The following SGCD variants were observed in gnomAD, a reference collection of about 807,000 sequenced individuals.
SGCD encodes sarcoglycan delta.
SGCD carries 18 observed loss-of-function variants against 36.6 expected under a neutral mutation model. That is an observed-to-expected ratio of 0.49 (90% CI 0.34 to 0.73). The LOEUF (loss-of-function observed/expected upper bound fraction) is 0.73. Ranked by LOEUF, SGCD falls within the 30% of genes least tolerant of loss-of-function variation. SGCD has a pLI of 0.01. For missense variants in SGCD, 387 were observed against 346.7 expected (o/e 1.12, Z -0.92); for synonymous variants, 133 against 130.6 (o/e 1.02, Z -0.12).
At chr5:156,598,403 G>A (rs1467688657) in intron 6 of SGCD, among the ~76,000 whole-genome samples, 1 of 152,098 alleles carries the variant, frequency 6.6e-6, no homozygotes, top group Non-Finnish European at 1.5e-5. Flanking sequence ...TTATCCAGGT[G>A]TGGTGGCACA....
At chr5:156,513,608 C>G (rs1757033891) in intron 4 of SGCD, among the ~76,000 whole-genome samples, 1 of 152,222 alleles carries the variant, frequency 6.6e-6, no homozygotes. Context: ...CAACACTTGA[C>G]TTCCTTGTGG....
At chr5:156,556,315 T>A (rs1759019302) in intron 4 of SGCD, among the ~76,000 whole-genome samples, 1 of 152,128 alleles carries the variant, frequency 6.6e-6, no homozygotes, top group African/African-American at 2.4e-5. Context: ...TGTCACCCTG[T>A]GTCTTTTCTG....
At chr5:156,725,909 G>A (rs2642660) in intron 7 of SGCD, among the ~76,000 whole-genome samples, 118,531 of 152,146 alleles carry the variant, frequency 0.78, 46,660 homozygotes, top group East Asian at 0.89. Context: ...TTATTAATTC[G>A]TACATCCATA....
chr5:155,883,046 CT>C (rs1165974981), intron 1 of SGCD, among the ~76,000 whole-genome samples: 1 of 152,120 alleles, frequency 6.6e-6, no homozygotes, highest in Non-Finnish European at 1.5e-5. Context: ...ATAGAGATGG[CT>C]TTTTTCCCCT....
At chr5:155,887,347 T>G (rs1756028664) in intron 1 of SGCD, among the ~76,000 whole-genome samples, 1 of 152,226 alleles carries the variant, frequency 6.6e-6, no homozygotes, top group African/African-American at 2.4e-5. Context: ...AAAAATGACT[T>G]AAGAACATGC....
At chr5:156,211,677 AC>A (rs1561567352) in intron 3 of SGCD, among the ~76,000 whole-genome samples, 2 of 152,004 alleles carry the variant, frequency 1.3e-5, no homozygotes, top group Non-Finnish European at 2.9e-5. Context: ...AAAGTATAAA[AC>A]CCACTAGTAA....
At chr5:155,824,132 T>C in the SGCD span, among the ~76,000 whole-genome samples, 2 of 152,168 alleles carry the variant, frequency 1.3e-5, no homozygotes, top group African/African-American at 4.8e-5. Context: ...AGGCATCCCA[T>C]CTTGAAGAAA....
At position 156,408,645 on chromosome 5, in the gene SGCD, C is replaced by T. The variant is rs557973704; in HGVS notation, c.192+63968C>T. 3.9e-5 allele frequency among the ~76,000 whole-genome samples: 6 copies of T among 152,328 alleles called. No homozygotes were observed. In the East Asian group the frequency reaches 9.6e-4, roughly 24 times the overall value. On this transcript the variant is annotated intron_variant, in intron 3 of 8. Coordinates refer to ENST00000337851, the MANE Select transcript of SGCD (RefSeq NM_000337.6). ...AAGTGCTGGGATTACAGGCGTGAAC[C>T]ACCGCCCCCAGCCCCCATGTTGAAT...
chr5:156,559,526 A>G (rs1377044278), intron 4 of SGCD, among the ~76,000 whole-genome samples: 1 of 152,246 alleles, frequency 6.6e-6, no homozygotes, highest in Non-Finnish European at 1.5e-5. Flanking sequence ...CAAGAGGCAG[A>G]CTAGAATAAT....
chr5:156,254,444 G>A (rs993897467), intron 3 of SGCD, among the ~76,000 whole-genome samples: 1 of 152,134 alleles, frequency 6.6e-6, no homozygotes, highest in Non-Finnish European at 1.5e-5. Flanking sequence ...GAAACCTTTT[G>A]TTCCTAATTA....
At chr5:156,039,848 C>T (rs1344717263) in intron 1 of SGCD, among the ~76,000 whole-genome samples, 1 of 151,978 alleles carries the variant, frequency 6.6e-6, no homozygotes, top group Non-Finnish European at 1.5e-5. Flanking sequence ...TGTCATGACT[C>T]CTATATAAAA....
chr5:156,553,478 T>C (rs1269704979), intron 4 of SGCD, among the ~76,000 whole-genome samples: 1 of 152,198 alleles, frequency 6.6e-6, no homozygotes, highest in East Asian at 1.9e-4. Context: ...TCATATAACA[T>C]AAAATTCACC....
chr5:156,007,866 A>C (rs1244239965), intron 1 of SGCD, among the ~76,000 whole-genome samples: 2 of 152,236 alleles, frequency 1.3e-5, no homozygotes, highest in Non-Finnish European at 2.9e-5. Flanking sequence ...TGTCACATTG[A>C]AACATTATTT....
chr5:156,249,901 T>G (rs1471363049), intron 3 of SGCD, among the ~76,000 whole-genome samples: 1 of 152,208 alleles, frequency 6.6e-6, no homozygotes, highest in Admixed American at 6.5e-5. Context: ...GAGAAAATTA[T>G]AATGGAAAAG....
intron 7 of SGCD, among the ~76,000 whole-genome samples, chr5:156,734,824 C>T (rs1282348479): frequency 6.6e-6 from 1 of 152,140 alleles, no homozygotes; most frequent in African/African-American, 2.4e-5. Flanking sequence ...TTATTTAGCT[C>T]AGTCAACTTT....
chr5:155,847,314 C>G, the SGCD span, among the ~76,000 whole-genome samples: 3 of 152,184 alleles, frequency 2.0e-5, no homozygotes, highest in Non-Finnish European at 4.4e-5. Context: ...ACCTGGTAAG[C>G]AGCAGAACTC....
At chr5:155,785,390 T>C in the SGCD span, among the ~76,000 whole-genome samples, 1 of 152,218 alleles carries the variant, frequency 6.6e-6, no homozygotes, top group Non-Finnish European at 1.5e-5. Flanking sequence ...AATTAGCCTA[T>C]CCATCACCTC....
intron 3 of SGCD, among the ~76,000 whole-genome samples, chr5:156,220,828 A>G (rs1046069034): frequency 6.6e-6 from 1 of 152,092 alleles, no homozygotes; most frequent in Non-Finnish European, 1.5e-5. Context: ...TTATAGCTTT[A>G]TTTCTTCCTT....
At chr5:156,721,939 G>C (rs1457670390) in intron 7 of SGCD, among the ~76,000 whole-genome samples, 1 of 152,132 alleles carries the variant, frequency 6.6e-6, no homozygotes, top group African/African-American at 2.4e-5. Flanking sequence ...TTTGATTCCA[G>C]TGTCTCCCAA....
Sources: gnomAD v4.1 joint callset for allele counts (sites outside exome capture counted in the v4.1 genomes callset) on GRCh38, gnomAD v4.1.1 for gene constraint, MANE v1.5 for transcripts, NCBI Gene and HGNC (gene_info 2026-07-23, HGNC 2026-07-21) for gene names.